KIAA0825: variants seen among roughly 807,000 people sequenced by gnomAD.
KIAA0825 encodes the protein KIAA0825, also known as uncharacterized protein KIAA0825.
Under a neutral mutation model 147.6 loss-of-function variants are expected in KIAA0825, and 119 were observed. That is an observed-to-expected ratio of 0.81 (90% CI 0.69 to 0.94). The LOEUF is 0.94. Among genes scored for constraint, KIAA0825 ranks in the 40% least tolerant of loss-of-function variants. KIAA0825 has a pLI of 0.00. For missense variants in KIAA0825, 1,381 were observed against 1,472.7 expected (o/e 0.94, Z 1.02); for synonymous variants, 470 against 518.1 (o/e 0.91, Z 1.26).
intron 2 of KIAA0825, among the ~76,000 whole-genome samples, chr5:94,545,525 A>G (rs1774184396): frequency 6.6e-6 from 1 of 152,166 alleles, no homozygotes; most frequent in Non-Finnish European, 1.5e-5. Flanking sequence ...TAGCTCAGCA[A>G]CAATAGTACA....
chr5:94,486,376 A>C (rs148767670), intron 5 of KIAA0825, among the ~76,000 whole-genome samples: 1 of 152,072 alleles, frequency 6.6e-6, no homozygotes, highest in South Asian at 2.1e-4. Context: ...TTTTATGGCT[A>C]TTCCACTTCA....
rs1585051835 is a variant in KIAA0825, at chr5:94,614,207, GTAT to G, written c.-153+4290_-153+4292del. 2.0e-5 allele frequency among the ~76,000 whole-genome samples: 3 copies of G among 152,114 alleles called. No homozygotes were observed. The East Asian group carries it at 5.8e-4, about 29-fold the overall frequency. Reference sequence around the variant, plus strand: ...AGCAGGTCACAAGACAATATAGACAGTATTATTTCATTTTTATTTTAAAAGCAC... The same window carrying G: ...AGCAGGTCACAAGACAATATAGACAGTATTTCATTTTTATTTTAAAAGCAC... On this transcript the variant is annotated intron_variant, in intron 1 of 20. Coordinates refer to ENST00000682413, the MANE Select transcript of KIAA0825 (RefSeq NM_001145678.3).
At chr5:94,247,417 G>C (rs1775687231) in intron 20 of KIAA0825, among the ~76,000 whole-genome samples, 2 of 152,106 alleles carry the variant, frequency 1.3e-5, no homozygotes, top group African/African-American at 4.8e-5. Flanking sequence ...ATCCTGGCAT[G>C]CTGCTCTGTG....
intron 20 of KIAA0825, among the ~76,000 whole-genome samples, chr5:94,271,409 C>G (rs1776977156): frequency 6.6e-6 from 1 of 152,086 alleles, no homozygotes; most frequent in Non-Finnish European, 1.5e-5. Context: ...GCTCAAACAA[C>G]TCTATAGGAA....
At chr5:94,299,324 C>A (rs1778276453) in intron 20 of KIAA0825, among the ~76,000 whole-genome samples, 1 of 152,030 alleles carries the variant, frequency 6.6e-6, no homozygotes. Flanking sequence ...TCAAGCAATC[C>A]TTCCATCTCA....
chr5:94,255,057 T>G (rs890661713), intron 20 of KIAA0825, among the ~76,000 whole-genome samples: 3 of 151,686 alleles, frequency 2.0e-5, no homozygotes, highest in African/African-American at 4.8e-5. Context: ...TCATTTTTTT[T>G]GCATAGTCTA....
At chr5:94,280,437 G>T (rs1013712125) in intron 20 of KIAA0825, among the ~76,000 whole-genome samples, 13 of 152,022 alleles carry the variant, frequency 8.6e-5, no homozygotes, top group African/African-American at 2.9e-4. Flanking sequence ...TCTATCATGA[G>T]TACTTGGCAT....
intron 2 of KIAA0825, among the ~76,000 whole-genome samples, chr5:94,552,297 C>T (rs989253093): frequency 6.6e-6 from 1 of 152,118 alleles, no homozygotes; most frequent in African/African-American, 2.4e-5. Flanking sequence ...AAAGGAGACA[C>T]AGACTGCAAT....
At chr5:94,207,442 C>G (rs941818650) in intron 20 of KIAA0825, among the ~76,000 whole-genome samples, 1 of 152,166 alleles carries the variant, frequency 6.6e-6, no homozygotes, top group African/African-American at 2.4e-5. Context: ...CAAATAAAGT[C>G]AGAGGCACCT....
chr5:94,294,385 T>C (rs533314787), intron 20 of KIAA0825, among the ~76,000 whole-genome samples: 3 of 152,336 alleles, frequency 2.0e-5, no homozygotes, highest in East Asian at 1.9e-4. Context: ...CCTTCACTTA[T>C]GAAGCTTAGT....
chr5:94,165,553 A>C (rs1209170805), intron 20 of KIAA0825, among the ~76,000 whole-genome samples: 2 of 152,180 alleles, frequency 1.3e-5, no homozygotes, highest in Admixed American at 6.5e-5. Flanking sequence ...AGATATCTAT[A>C]CTCCTATGTT....
chr5:94,204,636 G>A (rs1275824581), intron 20 of KIAA0825, among the ~76,000 whole-genome samples: 1 of 152,122 alleles, frequency 6.6e-6, no homozygotes, highest in African/African-American at 2.4e-5. Flanking sequence ...TGATTGAATG[G>A]TTTTACCTTT....
At chr5:94,355,150 G>A (rs2150378906) in intron 20 of KIAA0825, among the ~76,000 whole-genome samples, 1 of 152,302 alleles carries the variant, frequency 6.6e-6, no homozygotes, top group Admixed American at 6.5e-5. Context: ...AAAAATTGTG[G>A]AGGCCAAGGT....
chr5:94,441,518 A>G (rs75586909), intron 13 of KIAA0825, among the ~76,000 whole-genome samples: 8,125 of 152,118 alleles, frequency 0.053, 723 homozygotes, highest in African/African-American at 0.19. Context: ...CCTAATCCCA[A>G]CGTATCTGGA....
intron 20 of KIAA0825, among the ~76,000 whole-genome samples, chr5:94,378,051 T>C (rs1747836245): frequency 6.6e-6 from 1 of 152,226 alleles, no homozygotes; most frequent in African/African-American, 2.4e-5. Flanking sequence ...CTTTCTGTTA[T>C]TTTAATCTGA....
At chr5:94,444,793 C>A (rs1172807302) in intron 13 of KIAA0825, among the ~76,000 whole-genome samples, 1 of 151,738 alleles carries the variant, frequency 6.6e-6, no homozygotes, top group Non-Finnish European at 1.5e-5. Context: ...ATTCAGGGAA[C>A]CTAACATAGG....
At chr5:94,183,047 T>C (rs1351265279) in intron 20 of KIAA0825, among the ~76,000 whole-genome samples, 1 of 152,186 alleles carries the variant, frequency 6.6e-6, no homozygotes. Context: ...GTTTTGTTTT[T>C]GTTTCTTTCT....
chr5:94,476,482 G>C (rs1761908511), intron 7 of KIAA0825, among the ~76,000 whole-genome samples: 2 of 152,116 alleles, frequency 1.3e-5, no homozygotes, highest in African/African-American at 4.8e-5. Flanking sequence ...CTGCATGGTG[G>C]GAACAGGGCT....
chr5:94,419,921 A>T (rs1354764495), intron 14 of KIAA0825, among the ~76,000 whole-genome samples: 1 of 152,142 alleles, frequency 6.6e-6, no homozygotes, highest in Non-Finnish European at 1.5e-5. Flanking sequence ...GATCAACTTA[A>T]GTCTAAGTGA....
Sources: gnomAD v4.1 joint callset for allele counts (sites outside exome capture counted in the v4.1 genomes callset) on GRCh38, gnomAD v4.1.1 for gene constraint, MANE v1.5 for transcripts, NCBI Gene and HGNC (gene_info 2026-07-23, HGNC 2026-07-21) for gene names.